Variants in TAF3 observed in about 807,000 individuals in gnomAD.
The protein encoded by TAF3 is transcription initiation factor TFIID subunit 3.
TAF3 carries 7 observed loss-of-function variants against 80.6 expected under a neutral mutation model. The ratio of observed to expected loss-of-function variants is 0.09; its 90% CI spans 0.05 to 0.16. The LOEUF is 0.16. TAF3 is among the 10% of genes least tolerant of loss of function. The pLI, the probability that TAF3 is intolerant of heterozygous loss-of-function variation, is 1.00. For missense variants in TAF3, 921 were observed against 1,140.2 expected (o/e 0.81, Z 2.77); for synonymous variants, 444 against 446.1 (o/e 1.00, Z 0.06).
At chr10:7,865,480 A>G (rs1837202972) in intron 2 of TAF3, among the ~76,000 whole-genome samples, 1 of 56,102 alleles carries the variant, frequency 1.8e-5, no homozygotes, top group Non-Finnish European at 4.9e-5. Flanking sequence ...CTCCGTCTCA[A>G]ACAAACAAAC....
At chr10:7,864,815 AG>A (rs1196711695) in intron 2 of TAF3, among the ~76,000 whole-genome samples, 7 of 114,614 alleles carry the variant, frequency 6.1e-5, no homozygotes, top group African/African-American at 2.1e-4. Context: ...AAGGAAATAT[AG>A]TTTATCTTTT....
chr10:7,931,544 G>A (rs1243989286), intron 2 of TAF3, among the ~76,000 whole-genome samples: 1 of 152,042 alleles, frequency 6.6e-6, no homozygotes, highest in Non-Finnish European at 1.5e-5. Flanking sequence ...CTACACTTCT[G>A]ACATAATGAA....
chr10:7,930,721 A>C (rs1837860501), intron 2 of TAF3, among the ~76,000 whole-genome samples: 1 of 152,150 alleles, frequency 6.6e-6, no homozygotes, highest in African/African-American at 2.4e-5. Flanking sequence ...GTGAGAAAAT[A>C]ATTTTGATTA....
intron 2 of TAF3, among the ~76,000 whole-genome samples, chr10:7,932,013 C>G (rs1201579358): frequency 1.3e-5 from 2 of 152,102 alleles, no homozygotes; most frequent in African/African-American, 2.4e-5. Flanking sequence ...TTTATTCAAG[C>G]AAATTATTAT....
chr10:7,930,640 T>G (rs1837859437), intron 2 of TAF3, among the ~76,000 whole-genome samples: 1 of 152,154 alleles, frequency 6.6e-6, no homozygotes, highest in Non-Finnish European at 1.5e-5. Context: ...AGTACCTGAG[T>G]ACAGTCATCA....
At chr10:7,843,927 G>A (rs1836944102) in intron 2 of TAF3, among the ~76,000 whole-genome samples, 2 of 152,060 alleles carry the variant, frequency 1.3e-5, no homozygotes, top group Admixed American at 1.3e-4. Flanking sequence ...GTTTTATATG[G>A]AAGTGATTAC....
intron 2 of TAF3, among the ~76,000 whole-genome samples, chr10:7,885,921 T>A (rs1247010120): frequency 1.3e-5 from 2 of 152,098 alleles, no homozygotes; most frequent in South Asian, 2.1e-4. Context: ...TCTTCCTCTG[T>A]TGATACTTTT....
intron 2 of TAF3, among the ~76,000 whole-genome samples, chr10:7,895,679 A>G (rs950780081): frequency 6.6e-6 from 1 of 152,126 alleles, no homozygotes; most frequent in Non-Finnish European, 1.5e-5. Context: ...TGGGCTTTGG[A>G]ATGAGACTTT....
chr10:7,938,560 A>G (rs905144494), intron 2 of TAF3, among the ~76,000 whole-genome samples: 6 of 152,240 alleles, frequency 3.9e-5, no homozygotes, highest in Admixed American at 2.6e-4. Context: ...AGTCAGACAA[A>G]AAAAAGAAAA....
chr10:7,819,167 T>C (rs1323857645), intron 1 of TAF3, among the ~76,000 whole-genome samples: 1 of 152,040 alleles, frequency 6.6e-6, no homozygotes, highest in Non-Finnish European at 1.5e-5. Context: ...TCTGGATCTC[T>C]CTCATTGTCT....
chr10:7,818,938 C>T, intron 1 of TAF3, 63 bp downstream of exon 1: 1 of 1,333,726 alleles, frequency 7.5e-7, no homozygotes, highest in African/African-American at 1.5e-5. Flanking sequence ...CCTTCGCTCT[C>T]CCTGTCCCTC....
At chr10:7,884,365 A>AGCCGTTT (rs1323950864) in intron 2 of TAF3, among the ~76,000 whole-genome samples, 1 of 147,996 alleles carries the variant, frequency 6.8e-6, no homozygotes, top group Non-Finnish European at 1.5e-5. Flanking sequence ...CCCTGGAAGC[A>AGCCGTTT]GCCGTTTCTC....
chr10:7,830,473 CTTTTTTTTTTTT>C (rs1176707860), intron 2 of TAF3, among the ~76,000 whole-genome samples: 55 of 57,724 alleles, frequency 9.5e-4, no homozygotes, highest in African/African-American at 2.7e-3. Context: ...CTTTACATGT[CTTTTTTTTTTTT>C]TTTTTTTTTT....
intron 4 of TAF3, among the ~76,000 whole-genome samples, chr10:8,003,539 C>T (rs1831964821): frequency 6.6e-6 from 1 of 152,096 alleles, no homozygotes; most frequent in Admixed American, 6.6e-5. Context: ...TAGTGCTAAA[C>T]AGAGCAATAA....
chr10:7,901,374 TATAAA>T (rs1190735717), intron 2 of TAF3, among the ~76,000 whole-genome samples: 1 of 152,248 alleles, frequency 6.6e-6, no homozygotes, highest in Non-Finnish European at 1.5e-5. Flanking sequence ...TTAAAATTCT[TATAAA>T]AACAAAGAAA....
At position 7,844,618 on chromosome 10, in the gene TAF3, C is replaced by T. The variant is rs527896208; in HGVS notation, c.409+20058C>T. ...GTCTCCATCTCCTGACCTTGTGATC[C>T]GCCTGCCTCGGCCTTCCAAAGTGCT... is the stretch of plus-strand genomic sequence containing the variant. On this transcript the variant is annotated intron_variant, in intron 2 of 6. Coordinates refer to ENST00000344293, the MANE Select transcript of TAF3 (RefSeq NM_031923.4). 5.9e-5 allele frequency among the ~76,000 whole-genome samples: 9 copies of T among 152,170 alleles called. No homozygotes were observed. The East Asian group carries it at 1.4e-3, about 23-fold the overall frequency.
chr10:7,855,204 AGGT>A (rs1837066369), intron 2 of TAF3, among the ~76,000 whole-genome samples: 1 of 152,220 alleles, frequency 6.6e-6, no homozygotes, highest in African/African-American at 2.4e-5. Flanking sequence ...TTGTGGCTTC[AGGT>A]ACTTCTGGAA....
chr10:7,933,941 G>A (rs936444970), intron 2 of TAF3, among the ~76,000 whole-genome samples: 1 of 152,172 alleles, frequency 6.6e-6, no homozygotes, highest in Non-Finnish European at 1.5e-5. Context: ...CCTGGCAGCT[G>A]TCATGACATG....
At chr10:7,941,588 C>G (rs536797868) in intron 2 of TAF3, among the ~76,000 whole-genome samples, 16 of 152,234 alleles carry the variant, frequency 1.1e-4, no homozygotes, top group Non-Finnish European at 1.9e-4. Flanking sequence ...TGCTTCGCCA[C>G]TGCCTCACTG....
Sources: gnomAD v4.1 joint callset for allele counts (sites outside exome capture counted in the v4.1 genomes callset) on GRCh38, gnomAD v4.1.1 for gene constraint, MANE v1.5 for transcripts, NCBI Gene and HGNC (gene_info 2026-07-23, HGNC 2026-07-21) for gene names.